The following LRRTM3 variants were observed in gnomAD, a reference collection of about 807,000 sequenced individuals.
The protein encoded by LRRTM3 is leucine-rich repeat transmembrane neuronal protein 3.
Under a neutral mutation model 44.7 loss-of-function variants are expected in LRRTM3, and 24 were observed. The ratio of observed to expected loss-of-function variants is 0.54; its 90% CI spans 0.39 to 0.76. The LOEUF (loss-of-function observed/expected upper bound fraction) is 0.76, where lower values mean the gene tolerates loss of function less well. Ranked by LOEUF, LRRTM3 falls within the 30% of genes least tolerant of loss-of-function variation. The pLI, the probability that LRRTM3 is intolerant of heterozygous loss-of-function variation, is 0.00. For synonymous variants in LRRTM3, 277 were observed against 278.7 expected (o/e 0.99, Z 0.06); for missense variants, 587 against 702.2 (o/e 0.84, Z 1.85).
chr10:66,991,787 G>T (rs8181381), intron 2 of LRRTM3, among the ~76,000 whole-genome samples: 72,371 of 152,010 alleles, frequency 0.48, 17,858 homozygotes, highest in African/African-American at 0.58. Context: ...ATCACATGTA[G>T]GATATTTTCT....
chr10:67,000,753 C>G (rs1230286306), intron 2 of LRRTM3, among the ~76,000 whole-genome samples: 1 of 152,086 alleles, frequency 6.6e-6, no homozygotes, highest in Non-Finnish European at 1.5e-5. Flanking sequence ...CACCCCACAC[C>G]TGACAATTAC....
chr10:67,037,074 A>G (rs1199798414), intron 2 of LRRTM3, among the ~76,000 whole-genome samples: 1 of 152,130 alleles, frequency 6.6e-6, no homozygotes, highest in Admixed American at 6.5e-5. Context: ...GAGTGAAGTG[A>G]GCAAGGAAGA....
chr10:67,046,617 C>T (rs1331067154), intron 2 of LRRTM3, among the ~76,000 whole-genome samples: 1 of 151,326 alleles, frequency 6.6e-6, no homozygotes, highest in Non-Finnish European at 1.5e-5. Flanking sequence ...CGTAATAAGA[C>T]TTCAGGAAAA....
intron 2 of LRRTM3, among the ~76,000 whole-genome samples, chr10:66,986,555 T>C (rs754495658): frequency 1.3e-5 from 2 of 152,040 alleles, no homozygotes; most frequent in African/African-American, 2.4e-5. Flanking sequence ...AAACAATACA[T>C]TGAAAAAACT....
At chr10:66,926,733 CTTGT>C (rs1847097414) in intron 1 of LRRTM3, 146 bp downstream of exon 1, 2 of 1,065,834 alleles carry the variant, frequency 1.9e-6, no homozygotes, top group East Asian at 2.5e-5. Flanking sequence ...GGCATGTTTC[CTTGT>C]TTAACTATTT....
chr10:66,987,329 T>C (rs1850786861), intron 2 of LRRTM3, among the ~76,000 whole-genome samples: 1 of 152,108 alleles, frequency 6.6e-6, no homozygotes, highest in African/African-American at 2.4e-5. Context: ...ATCACATTGA[T>C]TCAGATGAGA....
In LRRTM3 at chr10:67,099,139, G is replaced by A. The variant is rs1199993038; in HGVS notation, c.*1343G>A. 6.6e-6 allele frequency: 1 copy of A among 151,680 alleles called. No homozygotes were observed. The highest frequency in any genetic ancestry group is 1.5e-5 in the Non-Finnish European group (1 of 67,830). 9.4% of individuals were successfully genotyped at this position (151,680 alleles called of 1,614,324 possible). ...TCCAAATTATCAAAGAAATAACTCAGAGTAATTTGACACCAGCCCAGATCA... is the reference window on the plus strand; with the variant it reads ...TCCAAATTATCAAAGAAATAACTCAAAGTAATTTGACACCAGCCCAGATCA... On this transcript the variant is annotated 3_prime_UTR_variant, in exon 3 of 3. Coordinates refer to ENST00000361320, the MANE Select transcript of LRRTM3 (RefSeq NM_178011.5).
chr10:66,940,030 C>CT (rs1439763325), intron 2 of LRRTM3, among the ~76,000 whole-genome samples: 3 of 151,680 alleles, frequency 2.0e-5, no homozygotes, highest in African/African-American at 7.3e-5. Flanking sequence ...TGTTTTCATT[C>CT]TTTTTAAAGA....
At chr10:66,944,191 T>C (rs887077585) in intron 2 of LRRTM3, among the ~76,000 whole-genome samples, 3 of 152,254 alleles carry the variant, frequency 2.0e-5, no homozygotes, top group African/African-American at 7.2e-5. Flanking sequence ...CACTGCTTCA[T>C]CAAATAAGTT....
intron 2 of LRRTM3, among the ~76,000 whole-genome samples, chr10:67,093,410 C>T (rs1157800574): frequency 1.3e-5 from 2 of 151,398 alleles, no homozygotes; most frequent in Non-Finnish European, 2.9e-5. Flanking sequence ...TCAGGAGAGA[C>T]CATGTTAATA....
At chr10:67,076,053 C>T (rs1156804160) in intron 2 of LRRTM3, among the ~76,000 whole-genome samples, 4 of 152,196 alleles carry the variant, frequency 2.6e-5, no homozygotes, top group African/African-American at 9.7e-5. Context: ...GAAATGTTCA[C>T]ACCTCCATTT....
At chr10:67,020,577 G>A (rs1012432221) in intron 2 of LRRTM3, among the ~76,000 whole-genome samples, 24 of 152,074 alleles carry the variant, frequency 1.6e-4, no homozygotes, top group Admixed American at 7.2e-4. Context: ...ATTTTGTTAT[G>A]TCTTATCCAC....
At chr10:67,041,811 C>T (rs1050624224) in intron 2 of LRRTM3, among the ~76,000 whole-genome samples, 1 of 151,996 alleles carries the variant, frequency 6.6e-6, no homozygotes, top group Non-Finnish European at 1.5e-5. Context: ...GAAAGAATGA[C>T]AATAAAGTGC....
intron 2 of LRRTM3, among the ~76,000 whole-genome samples, chr10:66,945,453 G>A (rs891145744): frequency 1.3e-5 from 2 of 152,108 alleles, no homozygotes; most frequent in Non-Finnish European, 2.9e-5. Flanking sequence ...AGGATCTAGG[G>A]CTTTACTCTG....
In LRRTM3 at chr10:66,927,429, C is replaced by T; in HGVS notation, c.513C>T (p.Thr171=). ...ATTTACGGTCTAACTCCCTGAGAAC[C>T]ATCCCTGTGCGAATATTCCAAGACT... The part of the protein sequence containing the change: ...SLHLRSNSLR[T]IPVRIFQDCR... The change falls in exon 2 of 3, where the codon ACC becomes ACT. Residue 171 remains threonine, a synonymous_variant. Transcript: ENST00000361320. The surrounding 1 kb of genome is among the most constrained non-coding windows in gnomAD (Gnocchi z 4.7). The T allele has an allele frequency of 6.2e-7, 1 of 1,614,164 alleles. No homozygotes were observed. The highest frequency in any genetic ancestry group is 1.1e-5 in the South Asian group (1 of 91,084).
chr10:67,054,174 A>C (rs1041947357), intron 2 of LRRTM3, among the ~76,000 whole-genome samples: 3 of 148,224 alleles, frequency 2.0e-5, no homozygotes, highest in African/African-American at 7.5e-5. Context: ...CTTCAAGATC[A>C]GTCAGTGCCT....
At chr10:67,012,733 T>C (rs1019557955) in intron 2 of LRRTM3, among the ~76,000 whole-genome samples, 1 of 152,096 alleles carries the variant, frequency 6.6e-6, no homozygotes, top group African/African-American at 2.4e-5. Flanking sequence ...AGCTTCACGG[T>C]GGTTTTGGAT....
At chr10:66,981,100 C>T (rs1850411577) in intron 2 of LRRTM3, among the ~76,000 whole-genome samples, 2 of 152,044 alleles carry the variant, frequency 1.3e-5, no homozygotes, top group Admixed American at 1.3e-4. Context: ...AGAGGGATTT[C>T]TCCATGTTGG....
intron 2 of LRRTM3, chr10:67,012,455 G>A (rs936982580): frequency 1.3e-5 from 2 of 152,120 alleles, no homozygotes; most frequent in African/African-American, 4.8e-5. Context: ...ACAATTGTGA[G>A]GAAATTATAA....
Sources: allele counts gnomAD v4.1 joint callset (sites outside exome capture counted in the v4.1 genomes callset), GRCh38; gene constraint gnomAD v4.1.1; non-coding constraint Gnocchi (gnomAD v3.1); transcripts MANE v1.5; gene names NCBI Gene and HGNC (gene_info 2026-07-23, HGNC 2026-07-21).